The following ARHGAP17 variants were observed in gnomAD, a reference collection of about 807,000 sequenced individuals.
The protein encoded by ARHGAP17 is Rho GTPase activating protein 17.
In ARHGAP17, 57 loss-of-function variants were observed where a neutral mutation model predicts 99.5. The observed-to-expected ratio is 0.57, with a 90% confidence interval of 0.46 to 0.71. The LOEUF is 0.71. ARHGAP17 is among the 30% of genes least tolerant of loss of function. The pLI, the probability that ARHGAP17 is intolerant of heterozygous loss-of-function variation, is 0.00. For synonymous variants in ARHGAP17, 417 were observed against 429.6 expected (o/e 0.97, Z 0.36); for missense variants, 1,000 against 1,122.4 (o/e 0.89, Z 1.56).
chr16:24,925,623 G>A (rs1731378083), intron 19 of ARHGAP17, among the ~76,000 whole-genome samples: 1 of 152,166 alleles, frequency 6.6e-6, no homozygotes, highest in African/African-American at 2.4e-5. Context: ...AGAAACAGAA[G>A]CCACTTAAAT....
At chr16:25,014,678 A>G (rs2053734982) in intron 1 of ARHGAP17, among the ~76,000 whole-genome samples, 1 of 152,178 alleles carries the variant, frequency 6.6e-6, no homozygotes, top group Admixed American at 6.5e-5. Context: ...GAACTCACTG[A>G]GCAAATCCGG....
chr16:24,994,462 T>C (rs949951295), intron 1 of ARHGAP17, among the ~76,000 whole-genome samples: 1 of 152,126 alleles, frequency 6.6e-6, no homozygotes. Flanking sequence ...CCATGAGCCA[T>C]CATGAGTAAG....
chr16:24,952,871 G>T, intron 11 of ARHGAP17, 60 bp downstream of exon 11: 2 of 1,518,956 alleles, frequency 1.3e-6, no homozygotes, highest in African/African-American at 1.4e-5. Flanking sequence ...ATCTGTCTGA[G>T]ACAGAACCTG....
chr16:24,930,743 T>C, intron 19 of ARHGAP17, 41 bp downstream of exon 19: 2 of 1,614,204 alleles, frequency 1.2e-6, no homozygotes, highest in South Asian at 1.1e-5. Context: ...AAAAGCAATG[T>C]AGAGCAGACG....
intron 4 of ARHGAP17, among the ~76,000 whole-genome samples, chr16:24,969,473 C>G (rs1356723661): frequency 6.6e-6 from 1 of 152,186 alleles, no homozygotes; most frequent in African/African-American, 2.4e-5. Context: ...AGGCTTTGCT[C>G]TTCTCCCACT....
chr16:24,932,007 C>T (rs1334053388), intron 18 of ARHGAP17, among the ~76,000 whole-genome samples: 1 of 151,846 alleles, frequency 6.6e-6, no homozygotes, highest in Non-Finnish European at 1.5e-5. Context: ...ATCCCAGCTA[C>T]TCATGAGGCT....
intron 19 of ARHGAP17, among the ~76,000 whole-genome samples, chr16:24,927,231 T>C (rs2050866878): frequency 6.6e-6 from 1 of 152,154 alleles, no homozygotes. Flanking sequence ...AGATTGCGCG[T>C]ATATTAAGAA....
intron 1 of ARHGAP17, among the ~76,000 whole-genome samples, chr16:24,997,321 G>A (rs1056144463): frequency 4.7e-5 from 7 of 149,482 alleles, no homozygotes; most frequent in East Asian, 2.0e-4. Flanking sequence ...GGTGCAAGGC[G>A]CCCAGTACAC....
intron 19 of ARHGAP17, among the ~76,000 whole-genome samples, chr16:24,925,245 C>G (rs1013769858): frequency 1.3e-5 from 2 of 151,808 alleles, no homozygotes; most frequent in Non-Finnish European, 2.9e-5. Context: ...CAGGTGTTGC[C>G]ACACCTGCCT....
chr16:24,950,109 C>T (rs1226874587), intron 12 of ARHGAP17, among the ~76,000 whole-genome samples: 1 of 152,198 alleles, frequency 6.6e-6, no homozygotes, highest in African/African-American at 2.4e-5. Context: ...GCCTCTATAA[C>T]ACCACTTTGA....
intron 1 of ARHGAP17, among the ~76,000 whole-genome samples, chr16:24,995,768 G>T (rs890420518): frequency 6.6e-6 from 1 of 151,992 alleles, no homozygotes; most frequent in African/African-American, 2.4e-5. Flanking sequence ...GTACCAGGCA[G>T]CAAATGTAAA....
chr16:24,931,661 A>G (rs1453647546), intron 18 of ARHGAP17, among the ~76,000 whole-genome samples: 1 of 152,218 alleles, frequency 6.6e-6, no homozygotes, highest in East Asian at 1.9e-4. Context: ...CATCAAGGCC[A>G]TAGAAAAGCA....
chr16:24,924,821 C>T (rs1485586366), intron 19 of ARHGAP17, among the ~76,000 whole-genome samples: 1 of 151,692 alleles, frequency 6.6e-6, no homozygotes, highest in Non-Finnish European at 1.5e-5. Flanking sequence ...TGAGATCGCA[C>T]CACTGCATTC....
intron 3 of ARHGAP17, among the ~76,000 whole-genome samples, 172 bp downstream of exon 3, chr16:24,977,043 G>A (rs1354032883): frequency 6.6e-6 from 1 of 152,242 alleles, no homozygotes; most frequent in East Asian, 1.9e-4. Flanking sequence ...GCCCAGCGAT[G>A]TCTTAAACAC....
chr16:24,929,698 G>A lies in ARHGAP17; in HGVS notation c.2515+1086C>T, dbSNP rs1398607928. On this transcript the variant is annotated intron_variant, in intron 19 of 19. Transcript: ENST00000289968. Reference sequence around the variant, plus strand: ...AAAACAAACAAACCAACATGGCTTTGTTGTTTTCAAAATAAAAGCTCTGAT... The same window carrying A: ...AAAACAAACAAACCAACATGGCTTTATTGTTTTCAAAATAAAAGCTCTGAT... 3 of 980,132 alleles carry A rather than the reference G, an allele frequency of 3.1e-6. No homozygotes were observed. The South Asian group carries it at 1.4e-4, about 46-fold the overall frequency. The allele number at this position is 980,132 out of a possible 1,614,324, so 60.7% of individuals were successfully genotyped here.
chr16:24,939,384 C>T lies in ARHGAP17; in HGVS notation c.1704G>A (p.Gly568=). Residue 568 remains glycine, a synonymous_variant, in exon 17 of 20, where the codon GGG becomes GGA. Coordinates refer to ENST00000289968, the MANE Select transcript of ARHGAP17 (RefSeq NM_001006634.3). ...VPSSAGILEQ[G]PSPGDGSPPK... is the part of the protein sequence containing the mutation. ...CTTACCTGCCGTCGCCTGGGCTCGGCCCCTGCTCCAGTATGCCCGCGGAAG... is the reference window on the plus strand; with the variant it reads ...CTTACCTGCCGTCGCCTGGGCTCGGTCCCTGCTCCAGTATGCCCGCGGAAG... The T allele has an allele frequency of 6.2e-7, 1 of 1,607,920 alleles. No homozygotes were observed. Among genetic ancestry groups the T allele is most frequent in the African/African-American group, 1.3e-5 (1 of 74,992 alleles).
At chr16:24,998,210 A>G (rs2141465444) in intron 1 of ARHGAP17, among the ~76,000 whole-genome samples, 1 of 152,118 alleles carries the variant, frequency 6.6e-6, no homozygotes, top group South Asian at 2.1e-4. Context: ...GGTCCTGGGA[A>G]GCCAAGACGC....
chr16:24,981,882 A>C (rs1208735613), intron 1 of ARHGAP17, among the ~76,000 whole-genome samples: 8 of 152,312 alleles, frequency 5.3e-5, no homozygotes, highest in East Asian at 1.9e-4. Flanking sequence ...AAAGAAAATC[A>C]GTGTATTTCC....
At chr16:25,014,973 G>C (rs2053744632) in intron 1 of ARHGAP17, among the ~76,000 whole-genome samples, 1 of 152,042 alleles carries the variant, frequency 6.6e-6, no homozygotes, top group Non-Finnish European at 1.5e-5. Flanking sequence ...AGGAGGCGGC[G>C]GCCCTCCCCT....
Sources: gnomAD v4.1 joint callset for allele counts (sites outside exome capture counted in the v4.1 genomes callset) on GRCh38, gnomAD v4.1.1 for gene constraint, MANE v1.5 for transcripts, NCBI Gene and HGNC (gene_info 2026-07-23, HGNC 2026-07-21) for gene names.